The following ADCK1 variants were observed in gnomAD, a reference collection of about 807,000 sequenced individuals.
ADCK1 encodes the protein aarF domain containing kinase 1, also known as aarF domain-containing protein kinase 1.
A neutral mutation model predicts 52.3 loss-of-function variants in ADCK1; 41 were observed. The ratio of observed to expected loss-of-function variants is 0.78; its 90% CI spans 0.61 to 1.02. The LOEUF is 1.02. Among genes scored for constraint, ADCK1 ranks in the 50% least tolerant of loss-of-function variants. ADCK1 has a pLI of 0.00. For synonymous variants in ADCK1, 250 were observed against 274.6 expected (o/e 0.91, Z 0.89); for missense variants, 658 against 679.5 (o/e 0.97, Z 0.35).
chr14:77,825,449 GATA>G (rs2140046916), intron 3 of ADCK1, among the ~76,000 whole-genome samples: 2 of 152,206 alleles, frequency 1.3e-5, no homozygotes, highest in African/African-American at 4.8e-5. Context: ...GGATTATGTA[GATA>G]ATATCTCAGT....
intron 3 of ADCK1, among the ~76,000 whole-genome samples, chr14:77,837,335 G>T (rs1280212956): frequency 6.6e-6 from 1 of 151,714 alleles, no homozygotes; most frequent in African/African-American, 2.4e-5. Flanking sequence ...ACAGGGTTTC[G>T]CTGTGCTGGC....
intron 4 of ADCK1, among the ~76,000 whole-genome samples, chr14:77,864,098 C>T (rs1345328442): frequency 2.6e-5 from 4 of 152,102 alleles, no homozygotes; most frequent in Admixed American, 6.5e-5. Context: ...TTTTACAGCT[C>T]CCCATAGTAC....
At chr14:77,910,187 A>G (rs150003707) in intron 7 of ADCK1, among the ~76,000 whole-genome samples, 176 of 152,286 alleles carry the variant, frequency 1.2e-3, no homozygotes, top group African/African-American at 3.9e-3. Flanking sequence ...TGTTTTACCC[A>G]GGGCAGCTTT....
intron 3 of ADCK1, among the ~76,000 whole-genome samples, chr14:77,824,436 C>CTTTCT (rs1194250547): frequency 4.5e-5 from 6 of 133,962 alleles, no homozygotes; most frequent in African/African-American, 1.4e-4. Context: ...TTCTTTCTTT[C>CTTTCT]TTTTTTTTTT....
intron 6 of ADCK1, among the ~76,000 whole-genome samples, chr14:77,907,166 A>G (rs1302324383): frequency 2.0e-5 from 3 of 152,124 alleles, no homozygotes; most frequent in Non-Finnish European, 4.4e-5. Flanking sequence ...CACCTGCCCC[A>G]GCCTCCCAAA....
chr14:77,865,494 A>G (rs1031896907), intron 4 of ADCK1, among the ~76,000 whole-genome samples: 10 of 152,182 alleles, frequency 6.6e-5, no homozygotes, highest in African/African-American at 1.2e-4. Context: ...AAACAAAAAC[A>G]AAAACAAAAC....
chr14:77,887,475 G>A (rs2083184477), intron 5 of ADCK1, among the ~76,000 whole-genome samples: 1 of 152,144 alleles, frequency 6.6e-6, no homozygotes, highest in Non-Finnish European at 1.5e-5. Context: ...GAGTTCCCAG[G>A]AACTGCCTGT....
At chr14:77,930,355 A>G (rs1170912930) in intron 9 of ADCK1, among the ~76,000 whole-genome samples, 4 of 152,114 alleles carry the variant, frequency 2.6e-5, no homozygotes, top group Non-Finnish European at 5.9e-5. Flanking sequence ...GGTGGTAAAG[A>G]CTTTCAGCAG....
At chr14:77,897,335 A>G (rs571448871) in intron 5 of ADCK1, among the ~76,000 whole-genome samples, 5 of 152,250 alleles carry the variant, frequency 3.3e-5, no homozygotes, top group African/African-American at 1.2e-4. Flanking sequence ...AACACCTCCT[A>G]TGTCCCTGGT....
chr14:77,933,403 C>G lies in ADCK1; in HGVS notation c.*12C>G. ...CTGCTCCACTCTGAGTGGAATTGCT[C>G]TCCCTGCCCCATTCTGGTGTCTTTC... On this transcript the variant is annotated 3_prime_UTR_variant, in exon 11 of 11. Coordinates refer to ENST00000238561, the MANE Select transcript of ADCK1 (RefSeq NM_020421.4). 1 of 1,612,216 alleles carries G rather than the reference C, an allele frequency of 6.2e-7. No individual in the cohort carries two copies. The highest frequency in any genetic ancestry group is 8.5e-7 in the Non-Finnish European group (1 of 1,178,694).
chr14:77,826,302 G>T (rs1046071813), intron 3 of ADCK1, among the ~76,000 whole-genome samples: 4 of 152,148 alleles, frequency 2.6e-5, no homozygotes, highest in African/African-American at 9.7e-5. Flanking sequence ...ATGAGTGAAG[G>T]GTAAAACATA....
intron 4 of ADCK1, among the ~76,000 whole-genome samples, chr14:77,879,721 G>A (rs1372983657): frequency 6.6e-6 from 1 of 152,168 alleles, no homozygotes. Context: ...GATAGGGCAG[G>A]CTGGTGAGGA....
chr14:77,926,455 C>T (rs2084196005), intron 9 of ADCK1, among the ~76,000 whole-genome samples: 1 of 152,192 alleles, frequency 6.6e-6, no homozygotes, highest in South Asian at 2.1e-4. Flanking sequence ...CAGGGGTGCT[C>T]ATCTCATTGT....
intron 9 of ADCK1, among the ~76,000 whole-genome samples, chr14:77,926,748 A>G (rs918724154): frequency 1.3e-5 from 2 of 152,138 alleles, no homozygotes; most frequent in African/African-American, 4.8e-5. Context: ...TTTCACCTAG[A>G]CAAGAGTCTC....
intron 6 of ADCK1, among the ~76,000 whole-genome samples, chr14:77,905,801 G>A (rs1477357609): frequency 6.6e-6 from 1 of 152,108 alleles, no homozygotes; most frequent in Non-Finnish European, 1.5e-5. Flanking sequence ...GTGACAGAAT[G>A]AGACCCTGTC....
At chr14:77,922,940 A>G (rs2084097143) in intron 7 of ADCK1, among the ~76,000 whole-genome samples, 1 of 152,206 alleles carries the variant, frequency 6.6e-6, no homozygotes, top group African/African-American at 2.4e-5. Flanking sequence ...GCATCTTAGG[A>G]AAACAGAGAG....
chr14:77,840,879 A>G (rs1350482656), intron 3 of ADCK1, among the ~76,000 whole-genome samples: 3 of 114,840 alleles, frequency 2.6e-5, no homozygotes, highest in Non-Finnish European at 5.2e-5. Context: ...AGGGAGGGAG[A>G]GAAGGGAAGG....
intron 6 of ADCK1, among the ~76,000 whole-genome samples, chr14:77,904,763 G>A (rs142378048): frequency 5.9e-5 from 9 of 152,286 alleles, no homozygotes; most frequent in African/African-American, 1.9e-4. Context: ...TAATGGTCAG[G>A]GTGTGACCCT....
chr14:77,845,023 C>T (rs79311368), intron 3 of ADCK1, among the ~76,000 whole-genome samples: 2,630 of 152,334 alleles, frequency 0.017, 30 homozygotes, highest in South Asian at 0.041. Flanking sequence ...CCCTGCTCAA[C>T]TTCTCAATTT....
Sources: allele counts gnomAD v4.1 joint callset (sites outside exome capture counted in the v4.1 genomes callset), GRCh38; gene constraint gnomAD v4.1.1; transcripts MANE v1.5; gene names NCBI Gene and HGNC (gene_info 2026-07-23, HGNC 2026-07-21).